Variants in LRBA observed in about 807,000 individuals in gnomAD.
LRBA encodes lipopolysaccharide-responsive and beige-like anchor protein.
In LRBA, 176 loss-of-function variants were observed where a neutral mutation model predicts 330.0. The observed-to-expected ratio is 0.53, with a 90% CI of 0.47 to 0.60. LRBA has a LOEUF of 0.60. LRBA is among the 20% of genes least tolerant of loss of function. LRBA has a pLI of 0.00. For missense variants in LRBA, 3,259 were observed against 3,444.8 expected, an observed-to-expected ratio of 0.95 and a Z score of 1.35; for synonymous variants, 1,230 against 1,193.0, an observed-to-expected ratio of 1.03 and a Z score of -0.64.
At chr4:150,498,914 T>C (rs978328510) in intron 40 of LRBA, among the ~76,000 whole-genome samples, 1 of 152,164 alleles carries the variant, frequency 6.6e-6, no homozygotes, top group African/African-American at 2.4e-5. Flanking sequence ...TTATTATCTT[T>C]ATCCAGTAAA....
intron 37 of LRBA, among the ~76,000 whole-genome samples, chr4:150,655,681 T>C (rs369112347): frequency 3.0e-4 from 45 of 152,338 alleles, no homozygotes; most frequent in African/African-American, 1.1e-3. Context: ...GCTGTTTCTG[T>C]CTTTTCACAC....
Position 150,777,066 on chromosome 4 carries a change from T to TTTTTTG in LRBA, c.5581-15220_5581-15219insCAAAAA, listed in dbSNP as rs370456829. Among the ~76,000 whole-genome samples, 322 of 134,364 alleles carry TTTTTTG rather than the reference T, an allele frequency of 2.4e-3. 2 individuals are homozygous for TTTTTTG. The highest frequency in any genetic ancestry group is 0.011 in the African/African-American group (310 of 27,378). 88.1% of individuals were successfully genotyped at this position (134,364 alleles called of 152,430 possible). A position where few individuals can be genotyped will look rare whatever the true frequency, so the allele number is the denominator to read the frequency against. ...TTTTAAAGTCAGTTTTTTGAGGGGTTTTGTTGTTGTTGTTGTTGTTGTTGT... is the reference window on the plus strand; with the variant it reads ...TTTTAAAGTCAGTTTTTTGAGGGGTTTTTTTGTTGTTGTTGTTGTTGTTGTTGTTGT... On this transcript the variant is annotated intron_variant, in intron 34 of 56. Transcript: ENST00000651943.
chr4:150,827,397 C>G (rs1466498960), intron 30 of LRBA, among the ~76,000 whole-genome samples: 1 of 151,914 alleles, frequency 6.6e-6, no homozygotes, highest in Non-Finnish European at 1.5e-5. Context: ...AAATTTACAC[C>G]AAGTGTGTCT....
Position 150,831,844 on chromosome 4 carries a change from T to A in LRBA, c.4702A>T (p.Ser1568Cys), listed in dbSNP as rs150060009. Residue 1568 changes from serine to cysteine, a missense_variant, in exon 29 of 57, where the codon AGT becomes TGT. Coordinates refer to ENST00000651943, the MANE Select transcript of LRBA (RefSeq NM_001364905.1). ...GAGAGTGATACATTCTCATTTTCAC[T>A]GCCAGTTTCTGTACATGACTGGCTA... ...RHSQSCTETG[S>C]ENENVSLSEI... 2 of 1,598,348 alleles carry A rather than the reference T, an allele frequency of 1.3e-6. No homozygotes were observed. The highest frequency in any genetic ancestry group is 1.7e-6 in the Non-Finnish European group (2 of 1,173,470).
intron 30 of LRBA, among the ~76,000 whole-genome samples, chr4:150,827,675 T>A (rs1288036928): frequency 1.3e-5 from 2 of 151,726 alleles, no homozygotes; most frequent in East Asian, 1.9e-4. Flanking sequence ...TCTCAGCTCA[T>A]TGCAACCACT....
intron 37 of LRBA, among the ~76,000 whole-genome samples, chr4:150,660,431 A>G (rs1375963497): frequency 2.1e-5 from 3 of 140,808 alleles, no homozygotes; most frequent in East Asian, 2.3e-4. Context: ...CCTACTGGGA[A>G]GTGAGGAGCC....
intron 35 of LRBA, among the ~76,000 whole-genome samples, chr4:150,757,994 A>G (rs1734544213): frequency 1.3e-5 from 2 of 152,240 alleles, no homozygotes; most frequent in South Asian, 4.1e-4. Flanking sequence ...TATGAAAATG[A>G]TAACAGATGA....
chr4:150,346,747 G>C (rs1181122961), intron 48 of LRBA, among the ~76,000 whole-genome samples: 1 of 91,488 alleles, frequency 1.1e-5, no homozygotes, highest in Non-Finnish European at 1.9e-5. Context: ...AACAATGTGA[G>C]ACTCTGTCTC....
chr4:150,928,187 T>C (rs559664104), intron 4 of LRBA, among the ~76,000 whole-genome samples: 1 of 152,280 alleles, frequency 6.6e-6, no homozygotes, highest in South Asian at 2.1e-4. Context: ...TAAAACTAGA[T>C]CAAAAAGAAG....
At chr4:150,753,527 A>T (rs1028245333) in intron 35 of LRBA, among the ~76,000 whole-genome samples, 2 of 152,148 alleles carry the variant, frequency 1.3e-5, no homozygotes, top group South Asian at 2.1e-4. Context: ...TAGTTTTTTT[A>T]AAATGTGTAA....
At chr4:150,710,524 T>C (rs559953196) in intron 36 of LRBA, among the ~76,000 whole-genome samples, 24 of 152,094 alleles carry the variant, frequency 1.6e-4, no homozygotes, top group Non-Finnish European at 3.5e-4. Flanking sequence ...CTCAGAAATA[T>C]TGGGTCAAAG....
chr4:150,567,836 A>T (rs1769329752), intron 40 of LRBA, among the ~76,000 whole-genome samples: 1 of 152,190 alleles, frequency 6.6e-6, no homozygotes. Flanking sequence ...TTTAGCATGT[A>T]CTATTTACCT....
intron 40 of LRBA, among the ~76,000 whole-genome samples, chr4:150,557,609 T>A (rs1767495970): frequency 6.6e-6 from 1 of 152,142 alleles, no homozygotes; most frequent in Non-Finnish European, 1.5e-5. Context: ...GTGGTTTTGA[T>A]GACCTTTGAC....
chr4:150,786,505 A>T (rs1739079835), intron 34 of LRBA, among the ~76,000 whole-genome samples: 2 of 151,958 alleles, frequency 1.3e-5, no homozygotes, highest in Admixed American at 1.3e-4. Flanking sequence ...CAGCCTCCCA[A>T]AGTGCTGAGA....
intron 44 of LRBA, among the ~76,000 whole-genome samples, chr4:150,440,227 A>G (rs1248923312): frequency 6.6e-6 from 1 of 152,218 alleles, no homozygotes; most frequent in Non-Finnish European, 1.5e-5. Flanking sequence ...TTAAAAAATC[A>G]GTAAAAGTAA....
chr4:150,912,504 G>A (rs1166824714), intron 9 of LRBA, among the ~76,000 whole-genome samples: 2 of 152,094 alleles, frequency 1.3e-5, no homozygotes, highest in African/African-American at 2.4e-5. Context: ...TCTACATTAT[G>A]GTGAGTCGTA....
intron 37 of LRBA, among the ~76,000 whole-genome samples, chr4:150,612,306 T>A (rs1247177701): frequency 1.3e-5 from 2 of 152,210 alleles, no homozygotes; most frequent in Non-Finnish European, 2.9e-5. Context: ...TTCCTCTTTT[T>A]AAACCAAAAC....
At chr4:150,350,696 A>G (rs986237571) in intron 47 of LRBA, among the ~76,000 whole-genome samples, 4 of 152,142 alleles carry the variant, frequency 2.6e-5, no homozygotes, top group Admixed American at 6.5e-5. Flanking sequence ...AAGTTTCAGT[A>G]TTTTTCTACC....
At chr4:150,868,939 A>G (rs1753080041) in intron 20 of LRBA, among the ~76,000 whole-genome samples, 1 of 152,102 alleles carries the variant, frequency 6.6e-6, no homozygotes, top group Admixed American at 6.6e-5. Flanking sequence ...CTCTGTCTCA[A>G]AAAAAAATAA....
Sources: gnomAD v4.1 joint callset for allele counts (sites outside exome capture counted in the v4.1 genomes callset) on GRCh38, gnomAD v4.1.1 for gene constraint, MANE v1.5 for transcripts, NCBI Gene and HGNC (gene_info 2026-07-23, HGNC 2026-07-21) for gene names.